The following ARHGAP24 variants were observed in gnomAD, a reference collection of about 807,000 sequenced individuals.
ARHGAP24 encodes the protein Rho GTPase activating protein 24.
A neutral mutation model predicts 76.4 loss-of-function variants in ARHGAP24; 50 were observed. The observed-to-expected ratio is 0.65, with a 90% CI of 0.52 to 0.83. The LOEUF is 0.83. Among genes scored for constraint, ARHGAP24 ranks in the 40% least tolerant of loss-of-function variants. The pLI, the probability that ARHGAP24 is intolerant of heterozygous loss-of-function variation, is 0.00. For missense variants in ARHGAP24, 930 were observed against 914.2 expected, an observed-to-expected ratio of 1.02 and a Z score of -0.22; for synonymous variants, 345 against 323.3, an observed-to-expected ratio of 1.07 and a Z score of -0.72.
At chr4:85,897,261 C>A (rs1734229647) in intron 3 of ARHGAP24, among the ~76,000 whole-genome samples, 1 of 152,118 alleles carries the variant, frequency 6.6e-6, no homozygotes, top group African/African-American at 2.4e-5. Flanking sequence ...CCAACCACCT[C>A]AAGGAAATAT....
intron 3 of ARHGAP24, among the ~76,000 whole-genome samples, chr4:85,876,035 A>G (rs1387626546): frequency 6.6e-6 from 1 of 152,004 alleles, no homozygotes; most frequent in Non-Finnish European, 1.5e-5. Flanking sequence ...GAGCCACTGC[A>G]CTCAGCTGGA....
At chr4:85,990,513 A>G (rs1740259884) in intron 8 of ARHGAP24, 1 of 151,756 alleles carries the variant, frequency 6.6e-6, no homozygotes, top group South Asian at 2.1e-4. Flanking sequence ...TTGAATATAT[A>G]CAACTTGATT....
At chr4:85,485,587 T>C (rs1170402931) in intron 1 of ARHGAP24, among the ~76,000 whole-genome samples, 2 of 151,352 alleles carry the variant, frequency 1.3e-5, no homozygotes, top group Admixed American at 6.6e-5. Flanking sequence ...CTGGTATTAA[T>C]TAGTGCCTGA....
rs191605142 is a variant in ARHGAP24 at position 85,483,323 on chromosome 4, A to C, written c.-21+7764A>C. Among the ~76,000 whole-genome samples, 1,165 of 152,236 alleles carry C rather than the reference A, an allele frequency of 7.7e-3. 15 individuals are homozygous for C. Among genetic ancestry groups the C allele is most frequent in the African/African-American group, 0.027 (1,103 of 41,542 alleles). Reference sequence around the variant, plus strand: ...TAAGATAGAATAGATGGAAAAAAAAACTCAGTGTTCATTATATTTAGTAAA... The same window carrying C: ...TAAGATAGAATAGATGGAAAAAAAACCTCAGTGTTCATTATATTTAGTAAA... On this transcript the variant is annotated intron_variant, in intron 1 of 9. Transcript: ENST00000395184.
At chr4:85,873,190 A>G (rs540061541) in intron 3 of ARHGAP24, among the ~76,000 whole-genome samples, 8 of 152,142 alleles carry the variant, frequency 5.3e-5, no homozygotes, top group Non-Finnish European at 8.8e-5. Context: ...GCTACTTGCT[A>G]GCTGTGTTCA....
intron 3 of ARHGAP24, among the ~76,000 whole-genome samples, chr4:85,742,032 T>C (rs1725845264): frequency 6.7e-6 from 1 of 149,658 alleles, no homozygotes; most frequent in Non-Finnish European, 1.5e-5. Flanking sequence ...GGGGAGGGAG[T>C]GGTAAGGCAG....
intron 4 of ARHGAP24, among the ~76,000 whole-genome samples, chr4:85,937,317 C>A (rs971325747): frequency 1.1e-4 from 16 of 152,096 alleles, no homozygotes; most frequent in Non-Finnish European, 2.4e-4. Flanking sequence ...TACTGATAAC[C>A]AAAATTAGGA....
intron 2 of ARHGAP24, among the ~76,000 whole-genome samples, chr4:85,592,434 TA>T (rs1728151321): frequency 6.6e-6 from 1 of 152,222 alleles, no homozygotes; most frequent in African/African-American, 2.4e-5. Context: ...TACATCAGCT[TA>T]AATGGTGTAT....
chr4:85,776,940 A>G (rs1727329263), intron 3 of ARHGAP24, among the ~76,000 whole-genome samples: 1 of 152,216 alleles, frequency 6.6e-6, no homozygotes, highest in African/African-American at 2.4e-5. Context: ...TTTTTAGCAA[A>G]TGCAAGTAAT....
intron 3 of ARHGAP24, chr4:85,778,591 A>G: frequency 1.2e-6 from 1 of 847,390 alleles, no homozygotes; most frequent in Non-Finnish European, 1.4e-6. Flanking sequence ...GCTTTCTATG[A>G]TTCCTATTTC....
intron 1 of ARHGAP24, among the ~76,000 whole-genome samples, 199 bp from the exon 2 acceptor site, chr4:85,570,323 C>G (rs1473313685): frequency 6.6e-6 from 1 of 151,664 alleles, no homozygotes; most frequent in East Asian, 1.9e-4. Flanking sequence ...CTTTCTCTTT[C>G]TCTCTCTCTC....
At chr4:85,743,464 A>T (rs999743952) in intron 3 of ARHGAP24, among the ~76,000 whole-genome samples, 4 of 137,900 alleles carry the variant, frequency 2.9e-5, no homozygotes, top group Non-Finnish European at 6.1e-5. Context: ...GCTGTTTGGG[A>T]GGGTGAGGCA....
intron 2 of ARHGAP24, among the ~76,000 whole-genome samples, chr4:85,696,289 G>A (rs1357322705): frequency 6.6e-6 from 1 of 151,732 alleles, no homozygotes; most frequent in Non-Finnish European, 1.5e-5. Context: ...GTTCTAAAAT[G>A]CCCTATTTTT....
intron 1 of ARHGAP24, among the ~76,000 whole-genome samples, chr4:85,477,780 A>G (rs971454454): frequency 1.3e-5 from 2 of 152,008 alleles, no homozygotes; most frequent in Admixed American, 6.6e-5. Flanking sequence ...TTCCGGCTCG[A>G]TTAAAGTCTG....
intron 1 of ARHGAP24, among the ~76,000 whole-genome samples, chr4:85,478,959 G>A (rs972775835): frequency 2.0e-5 from 3 of 152,186 alleles, no homozygotes; most frequent in Non-Finnish European, 4.4e-5. Context: ...TCCTCACTGG[G>A]TAGATTGGTG....
intron 2 of ARHGAP24, among the ~76,000 whole-genome samples, chr4:85,716,372 A>G (rs1724733751): frequency 6.6e-6 from 1 of 152,106 alleles, no homozygotes; most frequent in Admixed American, 6.6e-5. Flanking sequence ...TGTTTATCAT[A>G]TTTCATTTTG....
chr4:85,920,302 A>G (rs1735651345), intron 3 of ARHGAP24, among the ~76,000 whole-genome samples: 2 of 152,166 alleles, frequency 1.3e-5, no homozygotes, highest in South Asian at 4.1e-4. Context: ...TTGACTAAGT[A>G]TATATAATTG....
At chr4:85,941,616 G>A (rs1195099846) in intron 4 of ARHGAP24, among the ~76,000 whole-genome samples, 2 of 151,872 alleles carry the variant, frequency 1.3e-5, no homozygotes, top group African/African-American at 2.4e-5. Context: ...AAAACAAAAG[G>A]GGAAAAAAGA....
chr4:85,645,122 A>G (rs1436497484), intron 2 of ARHGAP24, among the ~76,000 whole-genome samples: 3 of 152,072 alleles, frequency 2.0e-5, no homozygotes, highest in African/African-American at 7.2e-5. Flanking sequence ...TTAAACTTTA[A>G]TGTTTGTTTA....
Sources: gnomAD v4.1 joint callset for allele counts (sites outside exome capture counted in the v4.1 genomes callset) on GRCh38, gnomAD v4.1.1 for gene constraint, MANE v1.5 for transcripts, NCBI Gene and HGNC (gene_info 2026-07-23, HGNC 2026-07-21) for gene names.